CAMTA1: variants seen among roughly 807,000 people sequenced by gnomAD.
CAMTA1 encodes calmodulin binding transcription activator 1.
A neutral mutation model predicts 170.9 loss-of-function variants in CAMTA1; 27 were observed. The observed-to-expected ratio is 0.16, with a 90% CI of 0.12 to 0.22. The LOEUF is 0.22. CAMTA1 is among the 10% of genes least tolerant of loss of function. The pLI is 1.00. For synonymous variants in CAMTA1, 833 were observed against 891.5 expected (o/e 0.93, Z 1.17); for missense variants, 1,619 against 2,217.2 (o/e 0.73, Z 5.42).
intron 6 of CAMTA1, among the ~76,000 whole-genome samples, chr1:7,601,704 C>T (rs1178645876): frequency 1.3e-5 from 2 of 152,210 alleles, no homozygotes; most frequent in Non-Finnish European, 2.9e-5. Context: ...CTCGGGAGGC[C>T]GAGGCTGGCG....
At chr1:7,504,581 G>A (rs1293326698) in intron 6 of CAMTA1, among the ~76,000 whole-genome samples, 2 of 152,266 alleles carry the variant, frequency 1.3e-5, no homozygotes, top group African/African-American at 4.8e-5. Flanking sequence ...CCAGCTTGGT[G>A]TGGGGTTGAC....
In CAMTA1 at chr1:7,635,641, C is replaced by T. The variant is rs939192552; in HGVS notation, c.511-4759C>T. ...AAAAAAAAAAAATACAGGGCCCTGG[C>T]GGGGTCTGTCCCCTGCCGTGACTCT... On this transcript the variant is annotated intron_variant, in intron 6 of 22. Transcript: ENST00000303635. This position sits in a 1 kb window ranked among gnomAD's most constrained non-coding sequence, Gnocchi z 4.4. Among the ~76,000 whole-genome samples the T allele has an allele frequency of 6.0e-5, 9 of 150,946 alleles. No homozygotes were observed. The highest frequency in any genetic ancestry group is 9.8e-5 in the African/African-American group (4 of 40,884).
chr1:7,431,829 C>T (rs181119107), intron 5 of CAMTA1, among the ~76,000 whole-genome samples: 1 of 152,206 alleles, frequency 6.6e-6, no homozygotes, highest in Non-Finnish European at 1.5e-5. Context: ...TGCCTAAGCC[C>T]CTGGAGACCA....
chr1:6,966,698 C>T (rs147003473), intron 3 of CAMTA1, among the ~76,000 whole-genome samples: 14,664 of 149,694 alleles, frequency 0.098, 839 homozygotes, highest in East Asian at 0.17. Context: ...GCAACCTCCA[C>T]CTCCTGGGTT....
intron 6 of CAMTA1, among the ~76,000 whole-genome samples, chr1:7,614,503 G>A (rs765671887): frequency 6.6e-6 from 1 of 152,096 alleles, no homozygotes; most frequent in Non-Finnish European, 1.5e-5. Flanking sequence ...CGACCTTCCC[G>A]GAATAACTTC....
chr1:7,176,584 A>G (rs1573662934), intron 4 of CAMTA1, among the ~76,000 whole-genome samples: 1 of 152,322 alleles, frequency 6.6e-6, no homozygotes, highest in East Asian at 1.9e-4. Flanking sequence ...TTCTGATTCT[A>G]CAGCTCGTTC....
At chr1:7,567,960 A>G (rs1245969023) in intron 6 of CAMTA1, among the ~76,000 whole-genome samples, 1 of 152,194 alleles carries the variant, frequency 6.6e-6, no homozygotes, top group Non-Finnish European at 1.5e-5. Flanking sequence ...ACTATCACCT[A>G]CCTAACTGGG....
intron 4 of CAMTA1, among the ~76,000 whole-genome samples, chr1:7,147,670 C>G (rs1646292359): frequency 2.6e-5 from 4 of 151,382 alleles, no homozygotes; most frequent in Admixed American, 2.6e-4. Context: ...ATGCACCATG[C>G]ACACACACAT....
At chr1:7,336,916 G>T (rs115881409) in intron 5 of CAMTA1, among the ~76,000 whole-genome samples, 244 of 152,292 alleles carry the variant, frequency 1.6e-3, no homozygotes, top group African/African-American at 5.6e-3. Flanking sequence ...AAGGCCAGCG[G>T]CCCCCTCCCT....
intron 4 of CAMTA1, among the ~76,000 whole-genome samples, chr1:7,168,529 AG>A (rs1473175853): frequency 6.6e-6 from 1 of 152,018 alleles, no homozygotes; most frequent in African/African-American, 2.4e-5. Flanking sequence ...CACCCTCCCT[AG>A]TAGCTGGGAT....
chr1:7,176,282 C>T (rs1036541954), intron 4 of CAMTA1, among the ~76,000 whole-genome samples: 9 of 152,152 alleles, frequency 5.9e-5, no homozygotes, highest in South Asian at 2.1e-4. Context: ...GGAGGAGCAG[C>T]GTGAAGGTGA....
intron 1 of CAMTA1, among the ~76,000 whole-genome samples, chr1:6,795,276 C>G (rs1407809484): frequency 6.6e-6 from 1 of 152,078 alleles, no homozygotes; most frequent in East Asian, 1.9e-4. Context: ...AAGCCTTGGC[C>G]TCCTGTGCTG....
At chr1:7,229,715 G>T (rs1479888920) in intron 4 of CAMTA1, among the ~76,000 whole-genome samples, 4 of 151,876 alleles carry the variant, frequency 2.6e-5, no homozygotes, top group Admixed American at 6.6e-5. Flanking sequence ...AGCACAGAGG[G>T]CGGGGGTTGG....
chr1:7,628,090 G>C (rs1276051434), intron 6 of CAMTA1, among the ~76,000 whole-genome samples: 1 of 152,232 alleles, frequency 6.6e-6, no homozygotes, highest in African/African-American at 2.4e-5. Flanking sequence ...GAAAAGTCTT[G>C]AGATGTGCTG....
chr1:7,495,763 T>C (rs1449991153), intron 6 of CAMTA1, among the ~76,000 whole-genome samples: 2 of 152,256 alleles, frequency 1.3e-5, no homozygotes, highest in Non-Finnish European at 2.9e-5. Flanking sequence ...GGGAGATTTC[T>C]GCTCATAAGG....
Position 7,251,869 on chromosome 1 carries a change from A to G in CAMTA1, c.438+2243A>G, listed in dbSNP as rs1666696201. 6.6e-6 allele frequency among the ~76,000 whole-genome samples: 1 copy of G among 151,286 alleles called. No individual in the cohort carries two copies. Among genetic ancestry groups the G allele is most frequent in the African/African-American group, 2.4e-5 (1 of 41,138 alleles). On this transcript the variant is annotated intron_variant, in intron 5 of 22. Transcript: ENST00000303635. The surrounding 1 kb of genome is among the most constrained non-coding windows in gnomAD (Gnocchi z 5.1). Reference sequence around the variant, plus strand: ...GGTGGGACTCTGTGTGTGTGTATATATGTTTGTGTGTGTGTGTGTGCGTAT... The same window carrying G: ...GGTGGGACTCTGTGTGTGTGTATATGTGTTTGTGTGTGTGTGTGTGCGTAT...
chr1:7,320,241 G>A (rs1204354740), intron 5 of CAMTA1, among the ~76,000 whole-genome samples: 1 of 152,194 alleles, frequency 6.6e-6, no homozygotes, highest in Admixed American at 6.5e-5. Context: ...TTGCTGTAAA[G>A]TTTTAGTATG....
At chr1:7,008,737 A>G in intron 3 of CAMTA1, 1 of 152,230 alleles carries the variant, frequency 6.6e-6, no homozygotes, top group East Asian at 1.9e-4. Flanking sequence ...ACTGTAAAAT[A>G]TTCATTTGAG....
intron 11 of CAMTA1, among the ~76,000 whole-genome samples, chr1:7,715,725 G>A (rs908657089): frequency 3.3e-5 from 5 of 152,128 alleles, no homozygotes; most frequent in African/African-American, 7.2e-5. Context: ...TGCAAAAATC[G>A]GAGGATGACT....
Sources: allele counts gnomAD v4.1 joint callset (sites outside exome capture counted in the v4.1 genomes callset), GRCh38; gene constraint gnomAD v4.1.1; non-coding constraint Gnocchi (gnomAD v3.1); transcripts MANE v1.5; gene names NCBI Gene and HGNC (gene_info 2026-07-23, HGNC 2026-07-21).